Variants in COL4A6 observed in about 807,000 individuals in gnomAD.
COL4A6 encodes the protein collagen type IV alpha 6 chain, also known as collagen alpha-6(IV) chain.
COL4A6 carries 59 observed loss-of-function variants against 126.7 expected under a neutral mutation model. That is an observed-to-expected ratio of 0.47 (90% CI 0.38 to 0.58). The LOEUF is 0.58. Ranked by LOEUF, COL4A6 falls within the 20% of genes least tolerant of loss-of-function variation. The pLI, the probability that COL4A6 is intolerant of heterozygous loss-of-function variation, is 0.00. For synonymous variants in COL4A6, 547 were observed against 496.6 expected (o/e 1.10, Z -1.35); for missense variants, 1,285 against 1,337.3 (o/e 0.96, Z 0.61).
At chrX:108,334,905 C>T (rs1185483795) in intron 2 of COL4A6, among the ~76,000 whole-genome samples, 1 of 111,538 alleles carries the variant, frequency 9.0e-6, no homozygotes, top group African/African-American at 3.3e-5. Context: ...ATATTAACTC[C>T]TTTCACTGTC....
intron 3 of COL4A6, among the ~76,000 whole-genome samples, chrX:108,307,918 C>T (rs2038665136): frequency 8.9e-6 from 1 of 111,832 alleles, no homozygotes; most frequent in African/African-American, 3.3e-5. Flanking sequence ...GCATGAGCAT[C>T]GGTCTTATCT....
intron 3 of COL4A6, among the ~76,000 whole-genome samples, chrX:108,307,329 CACTT>C (rs2038650648): frequency 8.9e-6 from 1 of 111,890 alleles, no homozygotes. Context: ...TTGCGCAAGT[CACTT>C]ACCAGTTTCT....
chrX:108,400,516 C>A (rs1420652726), intron 2 of COL4A6, among the ~76,000 whole-genome samples: 1 of 111,617 alleles, frequency 9.0e-6, no homozygotes, highest in Non-Finnish European at 1.9e-5. Context: ...GGTCCAAATA[C>A]AGCAGGGTGA....
intron 3 of COL4A6, among the ~76,000 whole-genome samples, chrX:108,240,949 C>A (rs1030217688): frequency 9.0e-6 from 1 of 110,883 alleles, no homozygotes. Flanking sequence ...TGAATAGAAA[C>A]AGAAACAAAT....
chrX:108,172,776 G>A (rs762043806), intron 31 of COL4A6, among the ~76,000 whole-genome samples: 70 of 112,092 alleles, frequency 6.2e-4, no homozygotes, highest in African/African-American at 2.1e-3. Context: ...ATCAAAATGG[G>A]AATCTTAGAA....
intron 3 of COL4A6, among the ~76,000 whole-genome samples, chrX:108,264,493 A>T (rs2037246740): frequency 8.9e-6 from 1 of 111,732 alleles, no homozygotes; most frequent in East Asian, 2.8e-4. Context: ...CTCCTAGGCC[A>T]TGGTATGCAG....
At chrX:108,193,446 T>C (rs1045622980) in intron 17 of COL4A6, among the ~76,000 whole-genome samples, 182 bp downstream of exon 17, 3 of 111,569 alleles carry the variant, frequency 2.7e-5, no homozygotes, top group Non-Finnish European at 3.8e-5. Flanking sequence ...TGGGCTTGGC[T>C]TCCCTGACCA....
At chrX:108,433,194 T>C (rs2064204337) in intron 2 of COL4A6, among the ~76,000 whole-genome samples, 1 of 112,267 alleles carries the variant, frequency 8.9e-6, no homozygotes, top group Non-Finnish European at 1.9e-5. Flanking sequence ...ATATTGTTTA[T>C]AGAAGAAAAA....
At chrX:108,199,871 T>A (rs756556092) in intron 13 of COL4A6, among the ~76,000 whole-genome samples, 53 of 111,455 alleles carry the variant, frequency 4.8e-4, no homozygotes, top group African/African-American at 1.7e-3. Context: ...TAGGGGGCAG[T>A]ATGGTATGGG....
At chrX:108,214,065 G>C (rs1331179288) in intron 6 of COL4A6, 47 bp downstream of exon 6, 2 of 1,085,651 alleles carry the variant, frequency 1.8e-6, no homozygotes, top group Admixed American at 4.5e-5. Flanking sequence ...CACACGTAGA[G>C]ACAAGCAAAG....
chrX:108,325,104 A>C (rs1194493503), intron 2 of COL4A6, among the ~76,000 whole-genome samples: 1 of 111,947 alleles, frequency 8.9e-6, no homozygotes, highest in African/African-American at 3.2e-5. Flanking sequence ...AAACAAGTCA[A>C]GTAGTCTACT....
intron 2 of COL4A6, among the ~76,000 whole-genome samples, chrX:108,423,100 T>A (rs2064011436): frequency 8.9e-6 from 1 of 112,304 alleles, no homozygotes; most frequent in Non-Finnish European, 1.9e-5. Context: ...CTTACTAAAT[T>A]TGATGCCCAC....
intron 2 of COL4A6, among the ~76,000 whole-genome samples, chrX:108,392,442 A>G (rs867999816): frequency 5.5e-4 from 61 of 110,217 alleles, no homozygotes; most frequent in African/African-American, 2.0e-3. Context: ...CCAATTAAAA[A>G]TGGACAAATG....
At chrX:108,379,435 C>CTTTTTT (rs1163909665) in intron 2 of COL4A6, among the ~76,000 whole-genome samples, 10 of 76,954 alleles carry the variant, frequency 1.3e-4, no homozygotes, top group Non-Finnish European at 1.7e-4. Flanking sequence ...AATTAAAAAA[C>CTTTTTT]TTTTTTTTTT....
chrX:108,356,290 C>T (rs2039959196), intron 2 of COL4A6, among the ~76,000 whole-genome samples: 1 of 109,590 alleles, frequency 9.1e-6, no homozygotes, highest in East Asian at 2.9e-4. Flanking sequence ...TGTAACTAAC[C>T]TGCACATTGT....
intron 3 of COL4A6, among the ~76,000 whole-genome samples, chrX:108,281,476 C>A (rs1380601123): frequency 1.9e-5 from 2 of 103,075 alleles, no homozygotes; most frequent in African/African-American, 7.1e-5. Context: ...CTACAAACCA[C>A]TGCTCAAGGA....
At chrX:108,258,881 T>C (rs191308221) in intron 3 of COL4A6, among the ~76,000 whole-genome samples, 5 of 111,738 alleles carry the variant, frequency 4.5e-5, no homozygotes, top group African/African-American at 1.6e-4. Context: ...CCAAGACTCC[T>C]ATGTTCCCAC....
At chrX:108,337,305 T>G (rs1447790654) in intron 2 of COL4A6, among the ~76,000 whole-genome samples, 3 of 111,772 alleles carry the variant, frequency 2.7e-5, no homozygotes, top group African/African-American at 9.8e-5. Flanking sequence ...TTACACTTAT[T>G]TGAATCACCC....
At chrX:108,185,209 T>C (rs1363320504) in intron 23 of COL4A6, among the ~76,000 whole-genome samples, 1 of 110,222 alleles carries the variant, frequency 9.1e-6, no homozygotes, top group African/African-American at 3.3e-5. Context: ...CTGGCCAACA[T>C]GGTGAAAGCC....
Sources: allele counts gnomAD v4.1 joint callset (sites outside exome capture counted in the v4.1 genomes callset), GRCh38; gene constraint gnomAD v4.1.1; transcripts MANE v1.5; gene names NCBI Gene and HGNC (gene_info 2026-07-23, HGNC 2026-07-21).